The following CCDC102B variants were observed in gnomAD, a reference collection of about 807,000 sequenced individuals.
The protein encoded by CCDC102B is coiled-coil domain-containing protein 102B.
Under a neutral mutation model 57.4 loss-of-function variants are expected in CCDC102B, and 75 were observed. The ratio of observed to expected loss-of-function variants is 1.31; its 90% CI spans 1.08 to 1.58. CCDC102B has a LOEUF of 1.58. Ranked by LOEUF, CCDC102B falls within the 40% of genes most tolerant of loss-of-function variation. The pLI, the probability that CCDC102B is intolerant of heterozygous loss-of-function variation, is 0.00. For synonymous variants in CCDC102B, 206 were observed against 201.9 expected, an observed-to-expected ratio of 1.02 and a Z score of -0.17; for missense variants, 636 against 582.6, an observed-to-expected ratio of 1.09 and a Z score of -0.94.
chr18:68,846,517 G>A, intron 4 of CCDC102B, 96 bp downstream of exon 4: 2 of 660,074 alleles, frequency 3.0e-6, no homozygotes, highest in Non-Finnish European at 4.9e-6. Context: ...ACAGATAAGA[G>A]GAAGGGAGGT....
At chr18:68,742,890 C>T (rs2033450965) in intron 2 of CCDC102B, among the ~76,000 whole-genome samples, 1 of 152,144 alleles carries the variant, frequency 6.6e-6, no homozygotes, top group South Asian at 2.1e-4. Context: ...TGGTTTGTAA[C>T]AGCTCTAGCT....
At chr18:68,795,240 C>A (rs554527021), upstream of CCDC102B, among the ~76,000 whole-genome samples, 1 of 151,760 alleles carries the variant, frequency 6.6e-6, no homozygotes, top group African/African-American at 2.4e-5. Context: ...GTAGAGTCTT[C>A]GGAAGAAATA....
chr18:68,748,222 G>T (rs866569164), intron 2 of CCDC102B, among the ~76,000 whole-genome samples: 1 of 143,668 alleles, frequency 7.0e-6, no homozygotes, highest in Non-Finnish European at 1.5e-5. Flanking sequence ...GTGTGTGTGT[G>T]TGTGTGTGTG....
chr18:69,032,428 T>A (rs999486121), intron 7 of CCDC102B, among the ~76,000 whole-genome samples: 10 of 152,192 alleles, frequency 6.6e-5, no homozygotes, highest in African/African-American at 2.4e-4. Context: ...TGGACAATAG[T>A]GTTATTCTCT....
At chr18:69,041,973 C>T (rs368971919) in intron 7 of CCDC102B, among the ~76,000 whole-genome samples, 109 of 151,984 alleles carry the variant, frequency 7.2e-4, no homozygotes, top group African/African-American at 2.6e-3. Flanking sequence ...TTTTCTCTCT[C>T]CTTCCTACTA....
intron 6 of CCDC102B, among the ~76,000 whole-genome samples, chr18:68,967,217 A>G (rs970711447): frequency 2.0e-5 from 3 of 152,102 alleles, no homozygotes; most frequent in Non-Finnish European, 4.4e-5. Context: ...CCATCGAAGC[A>G]TATAGAGACT....
At chr18:68,955,758 T>C (rs868274299) in intron 6 of CCDC102B, among the ~76,000 whole-genome samples, 1 of 151,952 alleles carries the variant, frequency 6.6e-6, no homozygotes, top group South Asian at 2.1e-4. Flanking sequence ...TGGTCAAAGT[T>C]TTTGTACTTT....
At chr18:68,805,964 G>A (rs2036019852) in intron 1 of CCDC102B, among the ~76,000 whole-genome samples, 1 of 152,034 alleles carries the variant, frequency 6.6e-6, no homozygotes, top group South Asian at 2.1e-4. Context: ...GTAACATTTT[G>A]ATCAGTCCTA....
intron 7 of CCDC102B, among the ~76,000 whole-genome samples, chr18:69,037,546 T>A (rs894575175): frequency 2.0e-5 from 3 of 151,836 alleles, no homozygotes; most frequent in African/African-American, 7.3e-5. Context: ...ATGCAAAAAT[T>A]TTGAGCCCCA....
intron 2 of CCDC102B, among the ~76,000 whole-genome samples, chr18:68,769,531 T>G (rs1469434576): frequency 6.6e-6 from 1 of 152,114 alleles, no homozygotes; most frequent in Admixed American, 6.5e-5. Flanking sequence ...CGGTTCCTCC[T>G]GGAATGATCC....
chr18:68,740,609 G>A (rs1383212422), intron 2 of CCDC102B, among the ~76,000 whole-genome samples: 2 of 152,156 alleles, frequency 1.3e-5, no homozygotes, highest in African/African-American at 4.8e-5. Flanking sequence ...CACCAGTGCA[G>A]TGGTGAGGAG....
intron 6 of CCDC102B, among the ~76,000 whole-genome samples, chr18:68,906,243 G>A (rs552436333): frequency 1.7e-3 from 264 of 152,218 alleles, no homozygotes; most frequent in Middle Eastern, 3.4e-3. Context: ...ATGTTGAGTC[G>A]TTTCTACCTC....
chr18:68,788,719 G>C (rs1355074846), intron 2 of CCDC102B, among the ~76,000 whole-genome samples: 1 of 149,658 alleles, frequency 6.7e-6, no homozygotes, highest in Non-Finnish European at 1.5e-5. Context: ...GAGCCTATGT[G>C]TGTCTCTGCA....
intron 6 of CCDC102B, among the ~76,000 whole-genome samples, chr18:68,998,505 A>G (rs189645596): frequency 2.0e-5 from 3 of 151,244 alleles, no homozygotes; most frequent in East Asian, 3.9e-4. Flanking sequence ...GAAAGAGAGT[A>G]TTGACTCACA....
At chr18:68,981,593 G>A (rs560312559) in intron 6 of CCDC102B, among the ~76,000 whole-genome samples, 33 of 152,032 alleles carry the variant, frequency 2.2e-4, no homozygotes, top group African/African-American at 7.7e-4. Context: ...TCTCTTTTAG[G>A]TGCCAGATAT....
intron 3 of CCDC102B, among the ~76,000 whole-genome samples, chr18:68,844,929 CTCTT>C (rs1340985425): frequency 1.3e-4 from 19 of 151,426 alleles, no homozygotes; most frequent in African/African-American, 4.1e-4. Context: ...CAAGTTGAGT[CTCTT>C]TGTTTGTTAA....
At chr18:69,028,475 A>G (rs1321450246) in intron 7 of CCDC102B, among the ~76,000 whole-genome samples, 1 of 152,136 alleles carries the variant, frequency 6.6e-6, no homozygotes, top group Non-Finnish European at 1.5e-5. Flanking sequence ...TAAACCATGG[A>G]AATATTGTAG....
At chr18:68,842,979 C>T (rs1834377707) in intron 3 of CCDC102B, among the ~76,000 whole-genome samples, 2 of 152,108 alleles carry the variant, frequency 1.3e-5, no homozygotes, top group Admixed American at 1.3e-4. Flanking sequence ...GAGAGTTGGT[C>T]TTGGTCCCTG....
At chr18:68,916,979 C>A (rs2041095162) in intron 6 of CCDC102B, among the ~76,000 whole-genome samples, 1 of 151,988 alleles carries the variant, frequency 6.6e-6, no homozygotes, top group South Asian at 2.1e-4. Context: ...GAGGTGCAGG[C>A]CCCAGCAGGA....
Sources: allele counts gnomAD v4.1 joint callset (sites outside exome capture counted in the v4.1 genomes callset), GRCh38; gene constraint gnomAD v4.1.1; transcripts MANE v1.5; gene names NCBI Gene and HGNC (gene_info 2026-07-23, HGNC 2026-07-21).